TMEM242: variants seen among roughly 807,000 people sequenced by gnomAD.
TMEM242 encodes the protein transmembrane protein 242, also known as UPF0463 transmembrane protein C6orf35.
In TMEM242, 10 loss-of-function variants were observed where a neutral mutation model predicts 18.2. The observed-to-expected ratio is 0.55, with a 90% CI of 0.34 to 0.93. The LOEUF is 0.93. Ranked by LOEUF, TMEM242 falls within the 40% of genes least tolerant of loss-of-function variation. The pLI is 0.02. For synonymous variants in TMEM242, 57 were observed against 69.9 expected (o/e 0.81, Z 0.92); for missense variants, 186 against 175.5 (o/e 1.06, Z -0.34).
At position 157,318,837 on chromosome 6, in the gene TMEM242, C is replaced by G. The variant is rs782472719; in HGVS notation, c.272G>C (p.Trp91Ser). Residue 91 changes from tryptophan (W) to serine (S), a missense_variant, in exon 3 of 4, where the codon TGG (tryptophan) becomes TCG (serine). Physicochemically the swap from Trp to Ser is radical, Grantham distance 177. Coordinates refer to ENST00000400788, the MANE Select transcript of TMEM242 (RefSeq NM_018452.6). Reference sequence around the variant, plus strand: ...GAAGCTAATCACACCAACCCCACACCATGCATACAGGGAGCCCCAGCCCAG... The same window carrying G: ...GAAGCTAATCACACCAACCCCACACGATGCATACAGGGAGCCCCAGCCCAG... ...RALGWGSLYA[W>S]CGVGVISFAV... 1 of 1,614,024 alleles carries G rather than the reference C, an allele frequency of 6.2e-7. No homozygotes were observed. Among genetic ancestry groups the G allele is most frequent in the African/African-American group, 1.3e-5 (1 of 75,054 alleles).
At position 157,312,669 on chromosome 6, in the gene TMEM242, T is replaced by G. The variant is rs1554249373; in HGVS notation, c.327+6113A>C. Among the ~76,000 whole-genome samples, 3 of 152,104 alleles carry G rather than the reference T, an allele frequency of 2.0e-5. No homozygotes were observed. The East Asian group carries it at 5.8e-4, about 29-fold the overall frequency. ...CCGGCCTCATCATAGTGCCCCAGGG[T>G]GCACTCACCTAGCCTCATCATAGTG... On this transcript the variant is annotated intron_variant, in intron 3 of 3. Transcript: ENST00000400788.
At chr6:157,302,774 T>C (rs372652545) in intron 3 of TMEM242, among the ~76,000 whole-genome samples, 1 of 152,300 alleles carries the variant, frequency 6.6e-6, no homozygotes, top group East Asian at 1.9e-4. Flanking sequence ...AAAACCTGAC[T>C]CAAATTATCT....
chr6:157,313,117 C>T (rs79381410), intron 3 of TMEM242, among the ~76,000 whole-genome samples: 1 of 127,370 alleles, frequency 7.9e-6, no homozygotes, highest in African/African-American at 3.0e-5. Context: ...AGTGTGTGCT[C>T]ACCCGGCCTC....
intron 2 of TMEM242, among the ~76,000 whole-genome samples, chr6:157,321,171 T>C (rs1778491822): frequency 6.6e-6 from 1 of 151,908 alleles, no homozygotes; most frequent in South Asian, 2.1e-4. Flanking sequence ...ACCCGCCCAG[T>C]TAATTCTTTT....
chr6:157,291,021 G>A lies in TMEM242; in HGVS notation c.*1880C>T, dbSNP rs1447289850. On this transcript the variant is annotated 3_prime_UTR_variant, in exon 4 of 4. Transcript: ENST00000400788. ...ACCATGGCCCCTGGCTCCTTCCTAG[G>A]GCCTAGCTGCCATCAGCCTGATGTG... The A allele has an allele frequency of 6.6e-6, 1 of 152,302 alleles. No individual in the cohort carries two copies. Among genetic ancestry groups the A allele is most frequent in the Non-Finnish European group, 1.5e-5 (1 of 68,100 alleles). 9.4% of individuals were successfully genotyped at this position (152,302 alleles called of 1,614,324 possible). A position where few individuals can be genotyped will look rare whatever the true frequency, so the allele number is the denominator to read the frequency against.
chr6:157,321,501 C>A (rs1012188999), intron 2 of TMEM242, among the ~76,000 whole-genome samples: 2 of 152,148 alleles, frequency 1.3e-5, no homozygotes, highest in African/African-American at 2.4e-5. Context: ...ACCAAGGTAT[C>A]AGCAGTTTTA....
intron 3 of TMEM242, among the ~76,000 whole-genome samples, chr6:157,312,294 C>A (rs1464509215): frequency 2.0e-5 from 3 of 152,348 alleles, no homozygotes; most frequent in African/African-American, 4.8e-5. Context: ...AACATAGTGC[C>A]CCAGTGTGCG....
chr6:157,313,249 T>TAC, intron 3 of TMEM242, among the ~76,000 whole-genome samples: 1 of 72,082 alleles, frequency 1.4e-5, no homozygotes, highest in Non-Finnish European at 3.0e-5. Flanking sequence ...TCGCAGAGTG[T>TAC]GCTCACCTGG....
intron 3 of TMEM242, 179 bp downstream of exon 3, chr6:157,318,603 G>T (rs1778444641): frequency 9.9e-6 from 6 of 607,030 alleles, no homozygotes; most frequent in Non-Finnish European, 1.7e-5. Context: ...TTCAAAAATT[G>T]TATTTATTAG....
Position 157,305,144 on chromosome 6 carries a change from A to G in TMEM242, c.328-12145T>C, listed in dbSNP as rs1307772135. Among the ~76,000 whole-genome samples, 1 of 152,150 alleles carries G rather than the reference A, an allele frequency of 6.6e-6. No homozygotes were observed. Among genetic ancestry groups the G allele is most frequent in the African/African-American group, 2.4e-5 (1 of 41,434 alleles). On this transcript the variant is annotated intron_variant, in intron 3 of 3. Transcript: ENST00000400788. The surrounding 1 kb of genome is among the most constrained non-coding windows in gnomAD (Gnocchi z 4.1). ...GTGTGGAGAAAAAATTCTAGAAGGA[A>G]TAAGGAAGAGGCCGGGAAACTGGAC...
chr6:157,293,035 A>AAAG, intron 3 of TMEM242, 36 bp from the exon 4 acceptor site: 1 of 1,534,994 alleles, frequency 6.5e-7, no homozygotes, highest in South Asian at 1.1e-5. Flanking sequence ...TCAAATGTTA[A>AAAG]AAGAAGGAGA....
At position 157,318,862 on chromosome 6, in the gene TMEM242, G is replaced by C. The variant is rs1778449871; in HGVS notation, c.247C>G (p.Leu83Val). ...ESGSSLALRALGWGSLYAWCG... is the reference protein window; with the variant it reads ...ESGSSLALRAVGWGSLYAWCG... ...CATGCATACAGGGAGCCCCAGCCCAGAGCTCGCAAGGCAAGGGAAGACCCG... is the reference window on the plus strand; with the variant it reads ...CATGCATACAGGGAGCCCCAGCCCACAGCTCGCAAGGCAAGGGAAGACCCG... Residue 83 changes from leucine to valine, a missense_variant, in exon 3 of 4, where the codon CTG (leucine) becomes GTG (valine). Physicochemically the swap from Leu to Val is conservative, Grantham distance 32. Transcript: ENST00000400788. 6.2e-7 allele frequency: 1 copy of C among 1,612,918 alleles called. No individual in the cohort carries two copies. Among genetic ancestry groups the C allele is most frequent in the African/African-American group, 1.3e-5 (1 of 75,034 alleles).
Position 157,292,720 on chromosome 6 carries a change from C to T in TMEM242, c.*181G>A, listed in dbSNP as rs189800398. The T allele has an allele frequency of 7.3e-5, 32 of 435,792 alleles. No individual in the cohort carries two copies. Among genetic ancestry groups the T allele is most frequent in the African/African-American group, 6.0e-4 (30 of 50,088 alleles). The allele number at this position is 435,792 out of a possible 1,614,324, so 27.0% of individuals were successfully genotyped here. The stretch of plus-strand genomic sequence containing the variant: ...TTCTTAACTGTGGGAAAACTTTACC[C>T]TCCCCCAGCACGCACACACATACTC... On this transcript the variant is annotated 3_prime_UTR_variant, in exon 4 of 4. Coordinates refer to ENST00000400788, the MANE Select transcript of TMEM242 (RefSeq NM_018452.6).
At chr6:157,304,913 C>T in intron 3 of TMEM242, among the ~76,000 whole-genome samples, 1 of 152,172 alleles carries the variant, frequency 6.6e-6, no homozygotes, top group East Asian at 1.9e-4. Context: ...GCAGGAACAG[C>T]CCTGTGTGTT....
rs1554250563 is a variant in TMEM242, at chr6:157,318,844, A to G, written c.265T>C (p.Tyr89His). The G allele has an allele frequency of 6.2e-7, 1 of 1,613,968 alleles. No homozygotes were observed. Among genetic ancestry groups the G allele is most frequent in the South Asian group, 1.1e-5 (1 of 91,034 alleles). ...ATCACACCAACCCCACACCATGCAT[A>G]CAGGGAGCCCCAGCCCAGAGCTCGC... ...ALRALGWGSL[Y>H]AWCGVGVISF... Residue 89 changes from tyrosine to histidine, a missense_variant, in exon 3 of 4, where the codon TAT becomes CAT. Tyr to His is a moderately conservative substitution (Grantham distance 83). Coordinates refer to ENST00000400788, the MANE Select transcript of TMEM242 (RefSeq NM_018452.6).
chr6:157,317,800 C>G (rs1252511820), intron 3 of TMEM242, among the ~76,000 whole-genome samples: 5 of 152,220 alleles, frequency 3.3e-5, no homozygotes, highest in African/African-American at 1.2e-4. Flanking sequence ...TGACATCCAA[C>G]TTCACTCTTT....
chr6:157,309,601 G>C (rs1777965115), intron 3 of TMEM242, among the ~76,000 whole-genome samples: 1 of 151,990 alleles, frequency 6.6e-6, no homozygotes, highest in Non-Finnish European at 1.5e-5. Context: ...ATGTTGCCTA[G>C]GCTAATCTCA....
At chr6:157,313,139 C>T (rs1554249636) in intron 3 of TMEM242, among the ~76,000 whole-genome samples, 10 of 140,528 alleles carry the variant, frequency 7.1e-5, no homozygotes, top group South Asian at 2.2e-4. Context: ...TCATAGTGTC[C>T]CAGTGTGCGC....
intron 3 of TMEM242, among the ~76,000 whole-genome samples, chr6:157,311,528 CCGG>C (rs1562383210): frequency 0.026 from 1,843 of 70,822 alleles, 27 homozygotes; most frequent in Middle Eastern, 0.066. Context: ...GTGCACTCAA[CCGG>C]CCTCATCATA....
Sources: gnomAD v4.1 joint callset for allele counts (sites outside exome capture counted in the v4.1 genomes callset) on GRCh38, gnomAD v4.1.1 for gene constraint, Gnocchi (gnomAD v3.1) non-coding constraint, MANE v1.5 for transcripts, NCBI Gene and HGNC (gene_info 2026-07-23, HGNC 2026-07-21) for gene names.